Variants in MAMDC2 observed in about 807,000 individuals in gnomAD.
MAMDC2 encodes MAM domain containing 2, also known as MAM domain-containing protein 2.
MAMDC2 carries 57 observed loss-of-function variants against 89.8 expected under a neutral mutation model. The observed-to-expected ratio is 0.63, with a 90% CI of 0.51 to 0.79. The LOEUF is 0.79. MAMDC2 is among the 30% of genes least tolerant of loss of function. The probability of loss-of-function intolerance (pLI) is 0.00; values close to 1 mark genes in which losing one functional copy is unlikely to be tolerated. For synonymous variants in MAMDC2, 313 were observed against 293.4 expected, an observed-to-expected ratio of 1.07 and a Z score of -0.68; for missense variants, 800 against 820.6, an observed-to-expected ratio of 0.97 and a Z score of 0.31.
intron 9 of MAMDC2, among the ~76,000 whole-genome samples, chr9:70,155,897 A>G (rs958095384): frequency 1.3e-5 from 2 of 152,100 alleles, no homozygotes; most frequent in Admixed American, 6.5e-5. Context: ...AATCTTTTAT[A>G]AGTCATTGAC....
At chr9:70,148,344 T>G (rs1223031702) in intron 9 of MAMDC2, among the ~76,000 whole-genome samples, 1 of 150,232 alleles carries the variant, frequency 6.7e-6, no homozygotes, top group African/African-American at 2.5e-5. Flanking sequence ...CATCCTATGC[T>G]TCCCCTCCAT....
chr9:70,150,380 G>A (rs2118446219), intron 9 of MAMDC2, among the ~76,000 whole-genome samples: 1 of 152,332 alleles, frequency 6.6e-6, no homozygotes, highest in African/African-American at 2.4e-5. Context: ...ACTGATGACA[G>A]TTTAACAGAT....
At chr9:70,044,736 T>A in intron 2 of MAMDC2, 39 bp downstream of exon 2, 1 of 1,423,646 alleles carries the variant, frequency 7.0e-7, no homozygotes, top group Non-Finnish European at 9.7e-7. Flanking sequence ...AAGTGAACTT[T>A]CTTCCTTGAT....
intron 11 of MAMDC2, among the ~76,000 whole-genome samples, chr9:70,181,768 G>A (rs961212907): frequency 1.3e-5 from 2 of 151,980 alleles, no homozygotes; most frequent in African/African-American, 4.8e-5. Flanking sequence ...GAGACAATGG[G>A]GTTTTCTAAA....
intron 9 of MAMDC2, among the ~76,000 whole-genome samples, chr9:70,166,304 C>CACAT (rs1471273411): frequency 9.5e-4 from 125 of 131,270 alleles, no homozygotes; most frequent in African/African-American, 3.1e-3. Context: ...CACACACACA[C>CACAT]ATATATATAT....
chr9:70,106,976 A>T (rs1251159969), intron 2 of MAMDC2, among the ~76,000 whole-genome samples: 1 of 152,146 alleles, frequency 6.6e-6, no homozygotes, highest in Non-Finnish European at 1.5e-5. Flanking sequence ...GAAGAACATC[A>T]AGCAAAACAA....
intron 11 of MAMDC2, among the ~76,000 whole-genome samples, chr9:70,199,453 T>C (rs1318479613): frequency 6.7e-6 from 1 of 149,900 alleles, no homozygotes; most frequent in South Asian, 2.2e-4. Flanking sequence ...TCTATCATTG[T>C]TGGACATTTG....
chr9:70,217,950 C>CTTGAA (rs2033480334), intron 11 of MAMDC2, among the ~76,000 whole-genome samples: 2 of 152,290 alleles, frequency 1.3e-5, no homozygotes, highest in South Asian at 4.1e-4. Context: ...ATAGTCAAGA[C>CTTGAA]TTGAACCCAG....
intron 11 of MAMDC2, among the ~76,000 whole-genome samples, chr9:70,200,277 C>A (rs1260295024): frequency 1.0e-4 from 15 of 150,608 alleles, no homozygotes; most frequent in Non-Finnish European, 1.5e-4. Flanking sequence ...TATGGCTAGC[C>A]AGTTTTCCCA....
chr9:70,200,726 C>A (rs1266530756), intron 11 of MAMDC2, among the ~76,000 whole-genome samples: 2 of 146,372 alleles, frequency 1.4e-5, no homozygotes, highest in Admixed American at 6.8e-5. Context: ...CTTTTATTTC[C>A]TTGAGCAGTG....
intron 2 of MAMDC2, among the ~76,000 whole-genome samples, chr9:70,046,440 C>T (rs1826753947): frequency 6.6e-6 from 1 of 152,238 alleles, no homozygotes; most frequent in Non-Finnish European, 1.5e-5. Context: ...AGTGCTGGCC[C>T]TGAGAAAAGG....
rs867427500 is a variant in MAMDC2 at position 70,125,471 on chromosome 9, T to C, written c.644-688T>C. Among the ~76,000 whole-genome samples the C allele has an allele frequency of 3.1e-4, 47 of 152,342 alleles. No individual in the cohort carries two copies. In the Middle Eastern group the frequency reaches 0.01, roughly 33 times the overall value. ...TCAAGGCTGTCTCCATTCTGCCACA[T>C]GGTTTCTGTGTTTCACCAAGATGCC... On this transcript the variant is annotated intron_variant, in intron 5 of 13. Coordinates refer to ENST00000377182, the MANE Select transcript of MAMDC2 (RefSeq NM_153267.5).
chr9:70,089,858 C>A (rs182511859), intron 2 of MAMDC2, among the ~76,000 whole-genome samples: 1 of 152,208 alleles, frequency 6.6e-6, no homozygotes, highest in East Asian at 1.9e-4. Flanking sequence ...CAAATGGTAG[C>A]TGTTATAGTT....
At chr9:70,156,136 T>C (rs2031757859) in intron 9 of MAMDC2, among the ~76,000 whole-genome samples, 1 of 152,224 alleles carries the variant, frequency 6.6e-6, no homozygotes, top group African/African-American at 2.4e-5. Context: ...ACATGGTTCT[T>C]GTTGGTAATT....
At chr9:70,156,853 G>A (rs2118472551) in intron 9 of MAMDC2, among the ~76,000 whole-genome samples, 1 of 152,238 alleles carries the variant, frequency 6.6e-6, no homozygotes, top group Non-Finnish European at 1.5e-5. Flanking sequence ...TCAGTTATTT[G>A]TTGAGACCTT....
intron 2 of MAMDC2, among the ~76,000 whole-genome samples, chr9:70,100,022 G>GAGAGAGAGAGAC (rs1463949610): frequency 1.4e-5 from 2 of 143,456 alleles, no homozygotes; most frequent in Non-Finnish European, 3.0e-5. Context: ...GAGAGAGAGA[G>GAGAGAGAGAGAC]AGCACAAGCA....
intron 11 of MAMDC2, among the ~76,000 whole-genome samples, chr9:70,204,590 C>T (rs947888616): frequency 1.3e-5 from 2 of 151,290 alleles, no homozygotes; most frequent in East Asian, 3.9e-4. Flanking sequence ...CCACCCAGTT[C>T]GAGCTTCCCG....
intron 2 of MAMDC2, among the ~76,000 whole-genome samples, chr9:70,101,202 A>G (rs1051112669): frequency 5.3e-5 from 8 of 152,222 alleles, no homozygotes; most frequent in African/African-American, 1.9e-4. Flanking sequence ...CATTAATAAT[A>G]AGGATATAAG....
chr9:70,198,208 A>T (rs2033016660), intron 11 of MAMDC2, among the ~76,000 whole-genome samples: 3 of 150,486 alleles, frequency 2.0e-5, no homozygotes, highest in East Asian at 3.9e-4. Context: ...AATATATAAT[A>T]TATAATAAAG....
Sources: gnomAD v4.1 joint callset for allele counts (sites outside exome capture counted in the v4.1 genomes callset) on GRCh38, gnomAD v4.1.1 for gene constraint, MANE v1.5 for transcripts, NCBI Gene and HGNC (gene_info 2026-07-23, HGNC 2026-07-21) for gene names.